The following SLC26A9 variants were observed in gnomAD, a reference collection of about 807,000 sequenced individuals.
SLC26A9 encodes the protein anion transporter/exchanger protein 9.
In SLC26A9, 46 loss-of-function variants were observed where a neutral mutation model predicts 87.1. The observed-to-expected ratio is 0.53, with a 90% CI of 0.42 to 0.67. SLC26A9 has a LOEUF of 0.67. Ranked by LOEUF, SLC26A9 falls within the 30% of genes least tolerant of loss-of-function variation. The pLI is 0.00. For synonymous variants in SLC26A9, 437 were observed against 409.1 expected, an observed-to-expected ratio of 1.07 and a Z score of -0.82; for missense variants, 927 against 1,018.3, an observed-to-expected ratio of 0.91 and a Z score of 1.22.
rs757807523 is a variant in SLC26A9, at chr1:205,928,856, G to A, written c.924C>T (p.His308=). The change falls in exon 8 of 21, where the codon CAC becomes CAT. Residue 308 remains histidine (H), a synonymous_variant. Transcript: ENST00000367135. ...SGGCKMPKKY[H]MQIVGEIQRG... The stretch of plus-strand genomic sequence containing the variant: ...GTTGGATTTCTCCCACGATCTGCAT[G>A]TGATACTTTTTGGGCATCTTACAGC... 4 of 1,614,140 alleles carry A rather than the reference G, an allele frequency of 2.5e-6. No homozygotes were observed. Among genetic ancestry groups the A allele is most frequent in the Non-Finnish European group, 3.4e-6 (4 of 1,180,006 alleles).
intron 5 of SLC26A9, among the ~76,000 whole-genome samples, chr1:205,931,302 G>C (rs1294296099): frequency 6.6e-6 from 1 of 152,112 alleles, no homozygotes. Flanking sequence ...AATGGAGAGA[G>C]GCTGTGAGTC....
At position 205,914,793 on chromosome 1, in the gene SLC26A9, C is replaced by T. The variant is rs965382867; in HGVS notation, c.*564G>A. On this transcript the variant is annotated 3_prime_UTR_variant, in exon 21 of 21. Transcript: ENST00000367135. ...GCGCATAGTTACCAAGGCCTAGACT[C>T]CTGGGTGTGGAGAGCACATGGTCCC... is the stretch of plus-strand genomic sequence containing the variant. 12 of 1,463,156 alleles carry T rather than the reference C, an allele frequency of 8.2e-6. No individual in the cohort carries two copies. Among genetic ancestry groups the T allele is most frequent in the East Asian group, 6.8e-5 (3 of 43,960 alleles). 90.6% of individuals were successfully genotyped at this position (1,463,156 alleles called of 1,614,324 possible). A position where few individuals can be genotyped will look rare whatever the true frequency, so the allele number is the denominator to read the frequency against.
Position 205,928,809 on chromosome 1 carries a change from T to C in SLC26A9, c.953+18A>G, listed in dbSNP as rs979513057. On this transcript the variant is annotated intron_variant, in intron 8 of 20. Coordinates refer to ENST00000367135, the MANE Select transcript of SLC26A9 (RefSeq NM_052934.4). ...ATGAGGTGCGGGTGGGCCAGGCTTC[T>C]GGGCCACCTGGACTCACCCGCGTTG... 1.2e-6 allele frequency: 2 copies of C among 1,613,880 alleles called. No individual in the cohort carries two copies. The highest frequency in any genetic ancestry group is 1.7e-6 in the Non-Finnish European group (2 of 1,179,768).
intron 11 of SLC26A9, among the ~76,000 whole-genome samples, chr1:205,926,964 G>A (rs1354917806): frequency 6.6e-6 from 1 of 152,190 alleles, no homozygotes; most frequent in African/African-American, 2.4e-5. Flanking sequence ...CCAGAAGGCT[G>A]GAGTTTGGGA....
chr1:205,941,694 A>T (rs1659753140), intron 1 of SLC26A9, among the ~76,000 whole-genome samples: 1 of 152,140 alleles, frequency 6.6e-6, no homozygotes, highest in African/African-American at 2.4e-5. Flanking sequence ...CCTCCTCTGC[A>T]CTTTCCCTGC....
At chr1:205,917,490 C>T (rs1173095820) in intron 19 of SLC26A9, 136 bp from the exon 20 acceptor site, 10 of 785,826 alleles carry the variant, frequency 1.3e-5, no homozygotes, top group South Asian at 1.1e-4. Flanking sequence ...CCTCTTGCCC[C>T]TTCCCTTACC....
intron 12 of SLC26A9, 95 bp from the exon 13 acceptor site, chr1:205,924,584 C>T (rs1046345592): frequency 5.0e-6 from 5 of 994,206 alleles, no homozygotes; most frequent in African/African-American, 1.6e-5. Flanking sequence ...TCTGTTAGTA[C>T]AACCTCAGAG....
chr1:205,931,228 A>G (rs187876799), intron 5 of SLC26A9, among the ~76,000 whole-genome samples: 427 of 152,246 alleles, frequency 2.8e-3, no homozygotes, highest in Non-Finnish European at 5.2e-3. Flanking sequence ...GGAGTGAGGG[A>G]TGTTAGAGAA....
intron 1 of SLC26A9, among the ~76,000 whole-genome samples, chr1:205,941,698 T>C (rs1659753469): frequency 6.6e-6 from 1 of 152,194 alleles, no homozygotes; most frequent in African/African-American, 2.4e-5. Flanking sequence ...CTCTGCACTT[T>C]CCCTGCTGGG....
At position 205,918,287 on chromosome 1, in the gene SLC26A9, A is replaced by G. The variant is rs891575157; in HGVS notation, c.2256+553T>C. Among the ~76,000 whole-genome samples, 33 of 151,804 alleles carry G rather than the reference A, an allele frequency of 2.2e-4. 1 individual carries two copies. Among genetic ancestry groups the G allele is most frequent in the African/African-American group, 7.8e-4 (32 of 41,166 alleles). On this transcript the variant is annotated intron_variant, in intron 19 of 20. Transcript: ENST00000367135. Reference sequence around the variant, plus strand: ...TTTTTCTGACTCCCCAGTCTTCTGGAGTTTTAGATGGTGTTATTTGTATCC... The same window carrying G: ...TTTTTCTGACTCCCCAGTCTTCTGGGGTTTTAGATGGTGTTATTTGTATCC...
intron 9 of SLC26A9, 77 bp downstream of exon 9, chr1:205,927,825 C>A: frequency 3.2e-6 from 5 of 1,567,258 alleles, no homozygotes; most frequent in Non-Finnish European, 4.3e-6. Flanking sequence ...GCCCAATGAT[C>A]TCCCCACCCA....
chr1:205,925,985 C>T (rs1356490371), intron 12 of SLC26A9, among the ~76,000 whole-genome samples: 1 of 152,270 alleles, frequency 6.6e-6, no homozygotes, highest in South Asian at 2.1e-4. Flanking sequence ...ATTTAATCCT[C>T]GGAACCAGCG....
At chr1:205,924,100 C>T (rs1013209854) in intron 13 of SLC26A9, among the ~76,000 whole-genome samples, 1 of 152,170 alleles carries the variant, frequency 6.6e-6, no homozygotes, top group East Asian at 1.9e-4. Flanking sequence ...AATCTCACCA[C>T]CTGCCCTTGC....
Position 205,913,369 on chromosome 1 carries a change from C to T in SLC26A9, c.*1988G>A, listed in dbSNP as rs545866090. ...TACCTCCACAGCGGGCTCTGCAACC[C>T]TCAGACATGTGGCAGATCTCTCCCT... On this transcript the variant is annotated 3_prime_UTR_variant, in exon 21 of 21. Transcript: ENST00000367135. The T allele has an allele frequency of 2.6e-5, 4 of 152,762 alleles. No individual in the cohort carries two copies. The highest frequency in any genetic ancestry group is 9.6e-5 in the African/African-American group (4 of 41,578). The allele number at this position is 152,762 out of a possible 1,614,324, so 9.5% of individuals were successfully genotyped here. A position where few individuals can be genotyped will look rare whatever the true frequency, so the allele number is the denominator to read the frequency against.
intron 5 of SLC26A9, among the ~76,000 whole-genome samples, chr1:205,930,710 C>G (rs368854323): frequency 2.6e-5 from 4 of 152,290 alleles, no homozygotes; most frequent in South Asian, 2.1e-4. Context: ...CACACCAAGC[C>G]CCTTACTTTG....
intron 12 of SLC26A9, 145 bp downstream of exon 12, chr1:205,926,390 A>C (rs1031234847): frequency 1.4e-6 from 1 of 691,514 alleles, no homozygotes; most frequent in Non-Finnish European, 2.5e-6. Context: ...TTTCACTTCG[A>C]AACTCGGACT....
chr1:205,919,403 G>A lies in SLC26A9; in HGVS notation c.2111-418C>T, dbSNP rs533471742. Among the ~76,000 whole-genome samples, 5 of 152,270 alleles carry A rather than the reference G, an allele frequency of 3.3e-5. No individual in the cohort carries two copies. The South Asian group carries it at 1.0e-3, about 32-fold the overall frequency. ...CTTAATCCTAGAGATGGTTTCCTGA[G>A]GGGGTGTCCAGTGAGGTTGGGGAGA... On this transcript the variant is annotated intron_variant, in intron 18 of 20. Transcript: ENST00000367135.
chr1:205,919,840 G>A (rs562592358), intron 18 of SLC26A9, among the ~76,000 whole-genome samples: 15 of 152,224 alleles, frequency 9.9e-5, no homozygotes, highest in African/African-American at 2.4e-4. Context: ...CAACCCTCTC[G>A]TTTTACATAG....
In SLC26A9 at chr1:205,914,925, C is replaced by T. The variant is rs138723623; in HGVS notation, c.*432G>A. The T allele has an allele frequency of 1.0e-4, 161 of 1,613,692 alleles. 1 individual carries two copies. Among genetic ancestry groups the T allele is most frequent in the Admixed American group, 5.8e-4 (35 of 59,986 alleles). ...GTGACAGCCTGACACCATCTGACAC[C>T]GAGCCGTGTGGGCTCTGGGACACTT... On this transcript the variant is annotated 3_prime_UTR_variant, in exon 21 of 21. Coordinates refer to ENST00000367135, the MANE Select transcript of SLC26A9 (RefSeq NM_052934.4).
Sources: allele counts gnomAD v4.1 joint callset (sites outside exome capture counted in the v4.1 genomes callset), GRCh38; gene constraint gnomAD v4.1.1; transcripts MANE v1.5; gene names NCBI Gene and HGNC (gene_info 2026-07-23, HGNC 2026-07-21).